The following LRRTM4 variants were observed in gnomAD, a reference collection of about 807,000 sequenced individuals.
LRRTM4 encodes leucine-rich repeat transmembrane neuronal protein 4.
In LRRTM4, 25 loss-of-function variants were observed where a neutral mutation model predicts 47.6. The ratio of observed to expected loss-of-function variants is 0.53; its 90% CI spans 0.38 to 0.73. The LOEUF (loss-of-function observed/expected upper bound fraction) is 0.73. Ranked by LOEUF, LRRTM4 falls within the 30% of genes least tolerant of loss-of-function variation. The pLI is 0.00. For missense variants in LRRTM4, 638 were observed against 713.4 expected, an observed-to-expected ratio of 0.89 and a Z score of 1.20; for synonymous variants, 311 against 269.5, an observed-to-expected ratio of 1.15 and a Z score of -1.51.
chr2:76,788,035 G>A (rs1385273157), intron 3 of LRRTM4, among the ~76,000 whole-genome samples: 1 of 152,062 alleles, frequency 6.6e-6, no homozygotes, highest in Non-Finnish European at 1.5e-5. Flanking sequence ...AACCTTCTCT[G>A]GTAGGAAAAG....
intron 3 of LRRTM4, among the ~76,000 whole-genome samples, chr2:77,477,939 G>C (rs1213539788): frequency 7.1e-6 from 1 of 140,230 alleles, no homozygotes; most frequent in Admixed American, 7.2e-5. Context: ...AAGAAAGAAA[G>C]AAAGAAAGAA....
At chr2:77,013,535 A>G (rs950307254) in intron 3 of LRRTM4, among the ~76,000 whole-genome samples, 1 of 151,588 alleles carries the variant, frequency 6.6e-6, no homozygotes, top group Non-Finnish European at 1.5e-5. Flanking sequence ...AGTGAGTAGT[A>G]CTATCTGTAT....
At chr2:77,116,933 G>C (rs1671403931) in intron 3 of LRRTM4, among the ~76,000 whole-genome samples, 1 of 151,820 alleles carries the variant, frequency 6.6e-6, no homozygotes, top group South Asian at 2.1e-4. Context: ...AACATAAACT[G>C]TTAATACACA....
chr2:77,468,984 G>A (rs569633329), intron 3 of LRRTM4, among the ~76,000 whole-genome samples: 1 of 152,150 alleles, frequency 6.6e-6, no homozygotes, highest in South Asian at 2.1e-4. Flanking sequence ...AATTGAAAAC[G>A]AATCCAGCTC....
intron 3 of LRRTM4, among the ~76,000 whole-genome samples, chr2:76,884,412 T>G (rs1051200334): frequency 2.0e-5 from 3 of 152,146 alleles, no homozygotes; most frequent in African/African-American, 4.8e-5. Flanking sequence ...GTGTATAATG[T>G]TGAAAATTGG....
In LRRTM4 at chr2:77,313,432, GTACCTCCCTACGTTTTCCTGTAATCCTGT is replaced by G. The variant is rs1677528396; in HGVS notation, c.1551+204857_1551+204885del. ...TTTTCCTGGGACCTGCTGCTGTGAT[GTACCTCCCTACGTTTTCCTGTAATCCTGT>G]TGCTGTGATGTACCTCCCTATGTTT... is the stretch of plus-strand genomic sequence containing the variant. On this transcript the variant is annotated intron_variant, in intron 3 of 3. Coordinates refer to ENST00000409884, the MANE Select transcript of LRRTM4 (RefSeq NM_001134745.3). Among the ~76,000 whole-genome samples, 17 of 91,014 alleles carry G rather than the reference GTACCTCCCTACGTTTTCCTGTAATCCTGT, an allele frequency of 1.9e-4. No homozygotes were observed. The South Asian group carries it at 4.6e-3, about 25-fold the overall frequency. The allele number at this position is 91,014 out of a possible 152,430, so 59.7% of individuals were successfully genotyped here. A position where few individuals can be genotyped will look rare whatever the true frequency, so the allele number is the denominator to read the frequency against.
chr2:76,967,612 A>G (rs928645841), intron 3 of LRRTM4, among the ~76,000 whole-genome samples: 3 of 151,580 alleles, frequency 2.0e-5, no homozygotes, highest in Admixed American at 6.6e-5. Flanking sequence ...ACATACAATA[A>G]ATTTGTAATT....
chr2:77,096,109 GATCAA>G (rs1179841574), intron 3 of LRRTM4, among the ~76,000 whole-genome samples: 3 of 151,934 alleles, frequency 2.0e-5, no homozygotes, highest in African/African-American at 7.2e-5. Context: ...TGTATGCATA[GATCAA>G]ATCATCATAT....
chr2:77,240,540 C>T (rs1675229632), intron 3 of LRRTM4, among the ~76,000 whole-genome samples: 1 of 151,926 alleles, frequency 6.6e-6, no homozygotes, highest in Non-Finnish European at 1.5e-5. Context: ...GTTGTTTTCT[C>T]AGTCTTATTT....
chr2:77,404,591 T>G (rs530437696), intron 3 of LRRTM4, among the ~76,000 whole-genome samples: 33 of 152,228 alleles, frequency 2.2e-4, no homozygotes, highest in Admixed American at 2.1e-3. Flanking sequence ...ATTTTGTGGC[T>G]AGATATACTG....
At chr2:77,175,833 T>C (rs921309941) in intron 3 of LRRTM4, among the ~76,000 whole-genome samples, 2 of 152,114 alleles carry the variant, frequency 1.3e-5, no homozygotes, top group Non-Finnish European at 2.9e-5. Context: ...GCTAATTTTG[T>C]ATATTTAGCA....
chr2:77,467,960 T>C (rs1437280776), intron 3 of LRRTM4, among the ~76,000 whole-genome samples: 1 of 152,198 alleles, frequency 6.6e-6, no homozygotes, highest in Non-Finnish European at 1.5e-5. Context: ...AAAGAGGTAC[T>C]TATATAGTTC....
chr2:77,386,786 G>A (rs1025814957), intron 3 of LRRTM4, among the ~76,000 whole-genome samples: 41 of 152,070 alleles, frequency 2.7e-4, no homozygotes, highest in African/African-American at 6.8e-4. Context: ...AGGGCCTGTC[G>A]GGGAGTGGGG....
intron 3 of LRRTM4, among the ~76,000 whole-genome samples, chr2:76,869,977 A>G (rs1407783992): frequency 1.3e-5 from 2 of 152,194 alleles, no homozygotes; most frequent in Non-Finnish European, 2.9e-5. Flanking sequence ...AGACACTACA[A>G]CATAAACATA....
At chr2:77,305,764 G>A (rs1487584242) in intron 3 of LRRTM4, among the ~76,000 whole-genome samples, 1 of 152,018 alleles carries the variant, frequency 6.6e-6, no homozygotes, top group Non-Finnish European at 1.5e-5. Context: ...TCTGAGAAAT[G>A]TGCAAAGTAT....
At chr2:77,230,971 A>G (rs992923920) in intron 3 of LRRTM4, among the ~76,000 whole-genome samples, 1 of 152,222 alleles carries the variant, frequency 6.6e-6, no homozygotes, top group Admixed American at 6.5e-5. Flanking sequence ...CCAGATTTAG[A>G]AAATGCTCGG....
At chr2:77,485,401 T>A (rs563856584) in intron 3 of LRRTM4, among the ~76,000 whole-genome samples, 3 of 152,060 alleles carry the variant, frequency 2.0e-5, no homozygotes, top group East Asian at 3.9e-4. Context: ...CACAAAATAA[T>A]CTACATGTAA....
At chr2:77,108,239 T>C (rs1558583951) in intron 3 of LRRTM4, among the ~76,000 whole-genome samples, 4 of 152,034 alleles carry the variant, frequency 2.6e-5, no homozygotes, top group Admixed American at 1.3e-4. Context: ...TGATAATTCA[T>C]TGTATGCAGG....
At chr2:77,049,358 G>C (rs1679350032) in intron 3 of LRRTM4, among the ~76,000 whole-genome samples, 1 of 150,790 alleles carries the variant, frequency 6.6e-6, no homozygotes, top group African/African-American at 2.4e-5. Flanking sequence ...ATTTGTAATT[G>C]TTTGAGGAAC....
Sources: allele counts gnomAD v4.1 joint callset (sites outside exome capture counted in the v4.1 genomes callset), GRCh38; gene constraint gnomAD v4.1.1; transcripts MANE v1.5; gene names NCBI Gene and HGNC (gene_info 2026-07-23, HGNC 2026-07-21).